Variants in RGS17 observed in about 807,000 individuals in gnomAD.
RGS17 encodes the protein regulator of G-protein signaling 17.
Under a neutral mutation model 25.5 loss-of-function variants are expected in RGS17, and 12 were observed. The ratio of observed to expected loss-of-function variants is 0.47; its 90% CI spans 0.30 to 0.76. The LOEUF is 0.76. Ranked by LOEUF, RGS17 falls within the 30% of genes least tolerant of loss-of-function variation. RGS17 has a pLI of 0.07. For synonymous variants in RGS17, 71 were observed against 76.9 expected (o/e 0.92, Z 0.40); for missense variants, 196 against 242.2 (o/e 0.81, Z 1.27).
chr6:153,069,326 A>C (rs1584142762), intron 1 of RGS17, among the ~76,000 whole-genome samples: 1 of 152,206 alleles, frequency 6.6e-6, no homozygotes, highest in African/African-American at 2.4e-5. Context: ...GGAGTTCATT[A>C]TGTTAAGTAA....
intron 1 of RGS17, among the ~76,000 whole-genome samples, chr6:153,117,267 G>A (rs1253553016): frequency 6.6e-6 from 1 of 151,894 alleles, no homozygotes. Context: ...GAAAGGGGAA[G>A]AGCCTCTTAT....
rs1329483576 is a variant in RGS17, at chr6:153,010,710, C to T, written c.*864G>A. The T allele has an allele frequency of 1.3e-5, 2 of 151,950 alleles. No homozygotes were observed. Among genetic ancestry groups the T allele is most frequent in the Non-Finnish European group, 2.9e-5 (2 of 67,886 alleles). 9.4% of individuals were successfully genotyped at this position (151,950 alleles called of 1,614,324 possible). On this transcript the variant is annotated 3_prime_UTR_variant, in exon 5 of 5. Transcript: ENST00000206262. The stretch of plus-strand genomic sequence containing the variant: ...TTTCTTGCTGAAGTACATAACTTTA[C>T]ACAACCATTTTAAAACTGGAGAGCC...
intron 1 of RGS17, among the ~76,000 whole-genome samples, chr6:153,060,012 A>G (rs551722776): frequency 1.3e-5 from 2 of 152,172 alleles, no homozygotes; most frequent in Non-Finnish European, 2.9e-5. Flanking sequence ...CAACCAATAC[A>G]GAGTTACAGG....
intron 1 of RGS17, among the ~76,000 whole-genome samples, chr6:153,052,907 G>C (rs1776482293): frequency 6.6e-6 from 1 of 152,092 alleles, no homozygotes; most frequent in Non-Finnish European, 1.5e-5. Context: ...CTTAAAAAAG[G>C]GACCCCCAGA....
intron 1 of RGS17, among the ~76,000 whole-genome samples, chr6:153,096,429 G>A (rs1157898950): frequency 6.6e-6 from 1 of 152,110 alleles, no homozygotes; most frequent in Admixed American, 6.6e-5. Flanking sequence ...GTTTACTCCC[G>A]ACTTAAATGC....
At chr6:153,012,165 G>T (rs542077389) in intron 4 of RGS17, among the ~76,000 whole-genome samples, 7 of 152,264 alleles carry the variant, frequency 4.6e-5, no homozygotes, top group Admixed American at 4.6e-4. Context: ...AAATCTACTG[G>T]CAGAAAAGAG....
intron 2 of RGS17, among the ~76,000 whole-genome samples, chr6:153,036,673 C>A (rs1283889125): frequency 6.6e-6 from 1 of 152,142 alleles, no homozygotes. Context: ...TTGCAGTGTC[C>A]TCTCATTTGA....
chr6:153,029,425 T>A (rs1009504849), intron 2 of RGS17, among the ~76,000 whole-genome samples: 23 of 152,216 alleles, frequency 1.5e-4, no homozygotes, highest in African/African-American at 5.5e-4. Context: ...TCCTACCTGG[T>A]CCTGCTCCAA....
chr6:153,049,673 C>T (rs1041189752), intron 1 of RGS17, among the ~76,000 whole-genome samples: 14 of 152,004 alleles, frequency 9.2e-5, no homozygotes, highest in African/African-American at 2.9e-4. Context: ...ATGGCATGAA[C>T]CTGGGAGGAG....
At chr6:153,063,658 T>C (rs752857535) in intron 1 of RGS17, among the ~76,000 whole-genome samples, 14 of 151,950 alleles carry the variant, frequency 9.2e-5, no homozygotes, top group Non-Finnish European at 1.9e-4. Flanking sequence ...AAGAGAAGGG[T>C]AGAAAGTTTA....
chr6:153,085,691 C>T (rs1002332217), intron 1 of RGS17, among the ~76,000 whole-genome samples: 3 of 152,288 alleles, frequency 2.0e-5, no homozygotes, highest in East Asian at 1.9e-4. Context: ...TGATTCTCTC[C>T]GTAACGATGA....
intron 1 of RGS17, among the ~76,000 whole-genome samples, chr6:153,104,556 G>A (rs1406570807): frequency 6.6e-6 from 1 of 152,206 alleles, no homozygotes; most frequent in East Asian, 1.9e-4. Context: ...AAAAGCTGTT[G>A]CACATGTCAG....
At chr6:153,075,107 A>T (rs1361254144) in intron 1 of RGS17, among the ~76,000 whole-genome samples, 2 of 152,324 alleles carry the variant, frequency 1.3e-5, no homozygotes, top group East Asian at 3.9e-4. Context: ...ATTTTGTGTT[A>T]TATTTAAAAA....
intron 1 of RGS17, among the ~76,000 whole-genome samples, chr6:153,078,864 G>C (rs1776926547): frequency 6.6e-6 from 1 of 151,680 alleles, no homozygotes; most frequent in South Asian, 2.1e-4. Context: ...CCAGCATACA[G>C]AAATACAGTA....
intron 1 of RGS17, among the ~76,000 whole-genome samples, chr6:153,110,428 A>ACACACACAC (rs1441181282): frequency 9.8e-5 from 14 of 142,284 alleles, no homozygotes; most frequent in Non-Finnish European, 1.7e-4. Flanking sequence ...GCCAACATAC[A>ACACACACAC]CACACACACA....
chr6:153,054,414 T>C (rs1776523160), intron 1 of RGS17, among the ~76,000 whole-genome samples: 1 of 150,798 alleles, frequency 6.6e-6, no homozygotes, highest in African/African-American at 2.4e-5. Flanking sequence ...CTTTGGGAGG[T>C]TGAGATGAGC....
chr6:153,071,042 T>G (rs1042054747), intron 1 of RGS17, among the ~76,000 whole-genome samples: 2 of 150,252 alleles, frequency 1.3e-5, no homozygotes, highest in African/African-American at 4.9e-5. Flanking sequence ...TATACGTATA[T>G]GTACATGTGT....
intron 1 of RGS17, among the ~76,000 whole-genome samples, chr6:153,094,065 C>T (rs748564839): frequency 1.5e-4 from 22 of 150,336 alleles, no homozygotes; most frequent in Admixed American, 3.3e-4. Flanking sequence ...AAATATATTA[C>T]ACACATCTAT....
chr6:153,087,474 T>C (rs1777067529), intron 1 of RGS17, among the ~76,000 whole-genome samples: 1 of 152,190 alleles, frequency 6.6e-6, no homozygotes. Flanking sequence ...TGCAAACACA[T>C]GCTGCTATCC....
Sources: allele counts gnomAD v4.1 joint callset (sites outside exome capture counted in the v4.1 genomes callset), GRCh38; gene constraint gnomAD v4.1.1; transcripts MANE v1.5; gene names NCBI Gene and HGNC (gene_info 2026-07-23, HGNC 2026-07-21).